The following TET2 variants were observed in gnomAD, a reference collection of about 807,000 sequenced individuals.
TET2 encodes tet methylcytosine dioxygenase 2.
Under a neutral mutation model 142.9 loss-of-function variants are expected in TET2, and 299 were observed. That is an observed-to-expected ratio of 2.09 (90% CI 1.90 to 2.30). TET2 has a LOEUF of 2.30. TET2 is among the 30% of genes most tolerant of loss of function. The pLI, the probability that TET2 is intolerant of heterozygous loss-of-function variation, is 0.00. For synonymous variants in TET2, 819 were observed against 849.0 expected, an observed-to-expected ratio of 0.96 and a Z score of 0.61; for missense variants, 2,418 against 2,378.0, an observed-to-expected ratio of 1.02 and a Z score of -0.35.
Position 105,278,253 on chromosome 4 carries a change from A to G in TET2, c.*1734A>G, listed in dbSNP as rs1004167067. 9 of 182,690 alleles carry G rather than the reference A, an allele frequency of 4.9e-5. No homozygotes were observed. Among genetic ancestry groups the G allele is most frequent in the African/African-American group, 1.5e-4 (6 of 39,954 alleles). The allele number at this position is 182,690 out of a possible 1,614,324, so 11.3% of individuals were successfully genotyped here. ...TGATGGTGCTACTCAGCCTGCTACA[A>G]ATATATCATAATGTGAGCTAAGAAT... is the stretch of plus-strand genomic sequence containing the variant. On this transcript the variant is annotated 3_prime_UTR_variant, in exon 11 of 11. Coordinates refer to ENST00000380013, the MANE Select transcript of TET2 (RefSeq NM_001127208.3).
rs758919932 is a variant in TET2 at position 105,234,506 on chromosome 4, A to G, written c.564A>G (p.Lys188=). 1 of 1,614,130 alleles carries G rather than the reference A, an allele frequency of 6.2e-7. No homozygotes were observed. Among genetic ancestry groups the G allele is most frequent in the Non-Finnish European group, 8.5e-7 (1 of 1,180,010 alleles). The change falls in exon 3 of 11, where the codon AAA becomes AAG. Residue 188 remains lysine (K), a synonymous_variant. Transcript: ENST00000380013. ...ELQILNEQEG[K]SANYHDKNIV... ...AGATTCTGAATGAGCAGGAGGGGAAAAGTGCTAATTACCATGACAAGAACA... is the reference window on the plus strand; with the variant it reads ...AGATTCTGAATGAGCAGGAGGGGAAGAGTGCTAATTACCATGACAAGAACA...
intron 1 of TET2, among the ~76,000 whole-genome samples, chr4:105,179,065 A>G (rs1471145796): frequency 1.3e-5 from 2 of 152,144 alleles, no homozygotes; most frequent in Admixed American, 1.3e-4. Context: ...CTCACTCCCT[A>G]TGATGAGAAC....
In TET2 at chr4:105,230,213, T is replaced by C. The variant is rs1728428673; in HGVS notation, c.-46-3684T>C. ...CCTACCACCATGCCCTGCTAATTTT[T>C]GTATCTTTTTAGGAGAGACGGGATT... On this transcript the variant is annotated intron_variant, in intron 2 of 10. Coordinates refer to ENST00000380013, the MANE Select transcript of TET2 (RefSeq NM_001127208.3). Among the ~76,000 whole-genome samples, 4 of 152,238 alleles carry C rather than the reference T, an allele frequency of 2.6e-5. No homozygotes were observed. In the South Asian group the frequency reaches 8.3e-4, roughly 32 times the overall value.
chr4:105,155,754 T>C (rs896321495), intron 1 of TET2, among the ~76,000 whole-genome samples: 3 of 152,228 alleles, frequency 2.0e-5, no homozygotes, highest in African/African-American at 4.8e-5. Flanking sequence ...CAGAGACTTA[T>C]TTAAGGTACA....
chr4:105,239,080 T>TTGTG, intron 3 of TET2: 3 of 231,150 alleles, frequency 1.3e-5, no homozygotes, highest in South Asian at 1.9e-4. Flanking sequence ...TTTTGTTTTT[T>TTGTG]TTTTTTGTTT....
rs1449595106 is a variant in TET2, at chr4:105,237,127, TCA to T, written c.3188_3189del (p.Thr1063SerfsTer4). On this transcript the variant is annotated frameshift_variant, in exon 3 of 11. Transcript: ENST00000380013. LOFTEE classifies it high-confidence loss of function. ...GTAAAAGTTGAAATGTCAGGGCCAG[TCA>T]CAGTTTTGACTAGACAAACCACTGC... is the stretch of plus-strand genomic sequence containing the variant. 1.2e-6 allele frequency: 2 copies of T among 1,614,024 alleles called. No homozygotes were observed. The highest frequency in any genetic ancestry group is 1.7e-6 in the Non-Finnish European group (2 of 1,180,032).
rs767237496 is a variant in TET2, at chr4:105,233,921, G to A, written c.-22G>A. On this transcript the variant is annotated 5_prime_UTR_variant, in exon 3 of 11. Transcript: ENST00000380013. ...GAATTCAACTAGAGGGCAGCCTTGT[G>A]GATGGCCCCGAAGCAAGCCTGATGG... The A allele has an allele frequency of 6.3e-7, 1 of 1,591,472 alleles. No individual in the cohort carries two copies. The highest frequency in any genetic ancestry group is 1.2e-5 in the South Asian group (1 of 86,604).
chr4:105,181,884 ACTTT>A (rs975783059), intron 1 of TET2, among the ~76,000 whole-genome samples: 50 of 152,140 alleles, frequency 3.3e-4, no homozygotes, highest in African/African-American at 1.1e-3. Context: ...TTTTTATACT[ACTTT>A]CTTTATTTAG....
At chr4:105,162,956 C>T (rs989473389) in intron 1 of TET2, among the ~76,000 whole-genome samples, 2 of 152,020 alleles carry the variant, frequency 1.3e-5, no homozygotes, top group Non-Finnish European at 2.9e-5. Flanking sequence ...CAATGATAAA[C>T]TAGTGGTATT....
At chr4:105,206,952 A>G (rs556355402) in intron 2 of TET2, among the ~76,000 whole-genome samples, 86 of 152,320 alleles carry the variant, frequency 5.6e-4, no homozygotes, top group South Asian at 1.9e-3. Flanking sequence ...GTCTCGCAAG[A>G]ACAAAAATAA....
In TET2 at chr4:105,275,166, T is replaced by C. The variant is rs1731142679; in HGVS notation, c.4656T>C (p.Pro1552=). 1 of 1,552,032 alleles carries C rather than the reference T, an allele frequency of 6.4e-7. No individual in the cohort carries two copies. Among genetic ancestry groups the C allele is most frequent in the African/African-American group, 1.4e-5 (1 of 73,000 alleles). The stretch of plus-strand genomic sequence containing the variant: ...CCCAGCAGCAGCAGCCACATCACCC[T>C]CAGACAGAGTCTGTCAACTCTTATT... ...QRPQQQQPHH[P]QTESVNSYSA... The change falls in exon 11 of 11, where the codon CCT becomes CCC. Residue 1552 remains proline, a synonymous_variant. Coordinates refer to ENST00000380013, the MANE Select transcript of TET2 (RefSeq NM_001127208.3).
chr4:105,235,841 G>A lies in TET2; in HGVS notation c.1899G>A (p.Met633Ile), dbSNP rs765495785. Residue 633 changes from methionine to isoleucine, a missense_variant, in exon 3 of 11, where the codon ATG (methionine) becomes ATA (isoleucine). Physicochemically the swap from Met to Ile is conservative, Grantham distance 10. Transcript: ENST00000380013. ...CACAGCTGGAGCACAAGTCACAAAT[G>A]TACCAAGTTGAAATGAATCAAGGGC... ...KTTQLEHKSQ[M>I]YQVEMNQGQS... 3.7e-6 allele frequency: 6 copies of A among 1,613,876 alleles called. No homozygotes were observed. The highest frequency in any genetic ancestry group is 5.1e-6 in the Non-Finnish European group (6 of 1,179,980).
chr4:105,247,865 G>A (rs572916019), intron 6 of TET2, among the ~76,000 whole-genome samples: 2 of 152,008 alleles, frequency 1.3e-5, no homozygotes, highest in South Asian at 4.2e-4. Flanking sequence ...GGGACTGCAA[G>A]CATGTGCCAC....
chr4:105,194,458 T>C (rs1425901224), intron 2 of TET2, among the ~76,000 whole-genome samples: 1 of 152,154 alleles, frequency 6.6e-6, no homozygotes, highest in Non-Finnish European at 1.5e-5. Flanking sequence ...GCTTTTCTTA[T>C]TGGCCCAAAA....
chr4:105,242,928 G>A lies in TET2; in HGVS notation c.3594+1G>A, dbSNP rs1267484829. On this transcript the variant is annotated splice_donor_variant, in intron 5 of 10. Coordinates refer to ENST00000380013, the MANE Select transcript of TET2 (RefSeq NM_001127208.3). LOFTEE classifies it high-confidence loss of function. ...TCAGGGATGTCCTATTGCTAAGTGG[G>A]TAAGTGTGACTTGATAAAGCCTTTG... is the stretch of plus-strand genomic sequence containing the variant. 1.3e-6 allele frequency: 2 copies of A among 1,549,672 alleles called. No homozygotes were observed. Among genetic ancestry groups the A allele is most frequent in the Non-Finnish European group, 1.7e-6 (2 of 1,145,482 alleles).
intron 9 of TET2, among the ~76,000 whole-genome samples, chr4:105,270,656 G>A (rs1009816119): frequency 3.7e-5 from 5 of 136,460 alleles, no homozygotes; most frequent in African/African-American, 1.2e-4. Context: ...GCAGTGGTGA[G>A]GGGAAAATAG....
At chr4:105,153,216 A>G (rs1160839613) in intron 1 of TET2, among the ~76,000 whole-genome samples, 1 of 152,214 alleles carries the variant, frequency 6.6e-6, no homozygotes, top group Non-Finnish European at 1.5e-5. Flanking sequence ...ATCATATCAC[A>G]TCACATGCAA....
At chr4:105,209,304 C>T (rs561270984) in intron 2 of TET2, among the ~76,000 whole-genome samples, 5 of 151,550 alleles carry the variant, frequency 3.3e-5, no homozygotes, top group South Asian at 2.1e-4. Flanking sequence ...ATGACTCAAG[C>T]GCAATAACAT....
At chr4:105,225,527 A>G (rs1728137904) in intron 2 of TET2, among the ~76,000 whole-genome samples, 1 of 152,128 alleles carries the variant, frequency 6.6e-6, no homozygotes, top group Non-Finnish European at 1.5e-5. Flanking sequence ...CTCTCATACT[A>G]CGGCAAGAAG....
Sources: allele counts gnomAD v4.1 joint callset (sites outside exome capture counted in the v4.1 genomes callset), GRCh38; gene constraint gnomAD v4.1.1; transcripts MANE v1.5; gene names NCBI Gene and HGNC (gene_info 2026-07-23, HGNC 2026-07-21).